The following CLEC16A variants were observed in gnomAD, a reference collection of about 807,000 sequenced individuals.
CLEC16A encodes the protein protein CLEC16A.
In CLEC16A, 51 loss-of-function variants were observed where a neutral mutation model predicts 109.5. The observed-to-expected ratio is 0.47, with a 90% CI of 0.37 to 0.59. The LOEUF is 0.59. Among genes scored for constraint, CLEC16A ranks in the 20% least tolerant of loss-of-function variants. CLEC16A has a pLI of 0.00. For synonymous variants in CLEC16A, 673 were observed against 564.2 expected, an observed-to-expected ratio of 1.19 and a Z score of -2.73; for missense variants, 1,339 against 1,394.0, an observed-to-expected ratio of 0.96 and a Z score of 0.63.
rs996318420 is a variant in CLEC16A, at chr16:11,174,755, T to C, written c.2807-3580T>C. 3.3e-5 allele frequency among the ~76,000 whole-genome samples: 5 copies of C among 152,250 alleles called. No individual in the cohort carries two copies. The highest frequency in any genetic ancestry group is 1.2e-4 in the African/African-American group (5 of 41,472). On this transcript the variant is annotated intron_variant, in intron 23 of 23. Coordinates refer to ENST00000409790, the MANE Select transcript of CLEC16A (RefSeq NM_015226.3). This position sits in a 1 kb window ranked among gnomAD's most constrained non-coding sequence, Gnocchi z 4.7. ...TTCCTTTCTTCCCCTAGTCTTGATC[T>C]AAGATAAGTGGCAAATTCAGTCCTG...
intron 19 of CLEC16A, 22 bp from the exon 20 acceptor site, chr16:11,120,593 C>T: frequency 6.3e-7 from 1 of 1,597,552 alleles, no homozygotes; most frequent in Non-Finnish European, 8.5e-7. Flanking sequence ...GCCTCATTCT[C>T]TTCTCACCTT....
chr16:11,043,930 C>T (rs1424334654), intron 15 of CLEC16A, 98 bp from the exon 16 acceptor site: 3 of 820,118 alleles, frequency 3.7e-6, no homozygotes, highest in Non-Finnish European at 5.7e-6. Flanking sequence ...TAGTCCAGAT[C>T]TGTTTTATAC....
Position 10,988,847 on chromosome 16 carries a change from C to A in CLEC16A, c.1071+5856C>A, listed in dbSNP as rs556353817. Among the ~76,000 whole-genome samples, 37 of 152,242 alleles carry A rather than the reference C, an allele frequency of 2.4e-4. No homozygotes were observed. The South Asian group carries it at 7.5e-3, about 31-fold the overall frequency. On this transcript the variant is annotated intron_variant, in intron 10 of 23. Coordinates refer to ENST00000409790, the MANE Select transcript of CLEC16A (RefSeq NM_015226.3). ...GCCGTGTAAAGTGCTTACTCCAAAG[C>A]CTTTTTATGTACACAGCAAGTGCAT... is the stretch of plus-strand genomic sequence containing the variant.
intron 19 of CLEC16A, among the ~76,000 whole-genome samples, chr16:11,109,936 A>C (rs985009927): frequency 1.3e-5 from 2 of 152,218 alleles, no homozygotes; most frequent in Non-Finnish European, 2.9e-5. Flanking sequence ...ATCCCCCTGT[A>C]AGGAAAAAGA....
chr16:10,986,507 A>G (rs887250496), intron 10 of CLEC16A, among the ~76,000 whole-genome samples: 3 of 152,158 alleles, frequency 2.0e-5, no homozygotes, highest in African/African-American at 7.2e-5. Context: ...CTGTGGAGTC[A>G]CCTGCATGAC....
At chr16:11,045,825 T>C (rs772757324) in intron 16 of CLEC16A, among the ~76,000 whole-genome samples, 12 of 152,230 alleles carry the variant, frequency 7.9e-5, no homozygotes. Flanking sequence ...AGCTGCTGTT[T>C]CTTTGCAGGA....
At chr16:11,114,233 A>G (rs11647011) in intron 19 of CLEC16A, among the ~76,000 whole-genome samples, 14,033 of 150,930 alleles carry the variant, frequency 0.093, 687 homozygotes, top group East Asian at 0.12. Context: ...TGAATGGCCT[A>G]TGCAAATCCT....
chr16:10,945,491 G>A (rs1285648092), intron 1 of CLEC16A, among the ~76,000 whole-genome samples: 5 of 152,166 alleles, frequency 3.3e-5, no homozygotes, highest in Non-Finnish European at 7.4e-5. Flanking sequence ...AGGACAGGTG[G>A]CAGATAGGGT....
At chr16:10,959,461 G>A (rs1374200501) in intron 2 of CLEC16A, among the ~76,000 whole-genome samples, 5 of 152,068 alleles carry the variant, frequency 3.3e-5, no homozygotes, top group South Asian at 4.2e-4. Flanking sequence ...GCGGGATCCC[G>A]GCTCACCGCA....
chr16:11,120,585 C>G (rs201505085), intron 19 of CLEC16A, 30 bp from the exon 20 acceptor site: 1 of 1,589,464 alleles, frequency 6.3e-7, no homozygotes, highest in Non-Finnish European at 8.6e-7. Flanking sequence ...CAGACTGTGC[C>G]TCATTCTCTT....
intron 10 of CLEC16A, among the ~76,000 whole-genome samples, chr16:10,985,552 T>TG (rs964748280): frequency 6.6e-6 from 1 of 151,774 alleles, no homozygotes; most frequent in Non-Finnish European, 1.5e-5. Context: ...CGGGACTTTT[T>TG]TTTTTTTTTA....
chr16:11,157,238 C>G (rs1361370802), intron 22 of CLEC16A: 1 of 1,210,046 alleles, frequency 8.3e-7, no homozygotes. Context: ...GAGGTGCAGC[C>G]TAGTCAGTGA....
rs199755835 is a variant in CLEC16A, at chr16:11,126,108, T to G, written c.2603T>G (p.Val868Gly). 8 of 1,613,664 alleles carry G rather than the reference T, an allele frequency of 5.0e-6. No individual in the cohort carries two copies. Among genetic ancestry groups the G allele is most frequent in the Non-Finnish European group, 6.8e-6 (8 of 1,179,844 alleles). ...QGRRGSSDPT[V>G]QRSVFASVDK... ...CGCCGGGGCAGCAGCGACCCCACAG[T>G]GCAGCGCTCCGTGTTTGCATCGGTG... is the stretch of plus-strand genomic sequence containing the variant. Residue 868 changes from valine to glycine, a missense_variant, in exon 22 of 24, where the codon GTG (valine) becomes GGG (glycine). Around this residue, in one of 3 missense-constraint regions of CLEC16A, gnomAD observed 1,061 missense variants for 1,006.8 expected, o/e 1.05. Coordinates refer to ENST00000409790, the MANE Select transcript of CLEC16A (RefSeq NM_015226.3).
chr16:11,166,655 T>A, intron 23 of CLEC16A, 103 bp downstream of exon 23: 1 of 1,186,840 alleles, frequency 8.4e-7, no homozygotes, highest in Non-Finnish European at 1.1e-6. Flanking sequence ...GTCACAGCAC[T>A]TGAAGGATGA....
At chr16:11,136,274 A>C (rs1399592580) in intron 22 of CLEC16A, 4 of 152,198 alleles carry the variant, frequency 2.6e-5, no homozygotes, top group African/African-American at 4.8e-5. Flanking sequence ...TAAGAACTGA[A>C]CTGTACTCTT....
intron 10 of CLEC16A, among the ~76,000 whole-genome samples, chr16:11,001,799 A>C (rs1341591193): frequency 6.6e-6 from 1 of 151,836 alleles, no homozygotes; most frequent in Non-Finnish European, 1.5e-5. Flanking sequence ...GAGCCACCAC[A>C]CCCGGCCATC....
chr16:11,006,707 TTTGTTG>T (rs1238352940), intron 11 of CLEC16A, among the ~76,000 whole-genome samples: 1 of 152,040 alleles, frequency 6.6e-6, no homozygotes, highest in Admixed American at 6.6e-5. Flanking sequence ...TGTGTATTGT[TTTGTTG>T]TTGTTGTTGT....
At chr16:10,972,915 T>TTTTC (rs755474544) in intron 6 of CLEC16A, 23 bp from the exon 7 acceptor site, 1 of 1,571,304 alleles carries the variant, frequency 6.4e-7, no homozygotes, top group Non-Finnish European at 8.6e-7. Flanking sequence ...TTGACTTTTT[T>TTTTC]TTTCTTCTGT....
intron 18 of CLEC16A, among the ~76,000 whole-genome samples, chr16:11,053,305 C>T (rs1365035312): frequency 6.6e-6 from 1 of 152,096 alleles, no homozygotes; most frequent in Non-Finnish European, 1.5e-5. Context: ...ATGTGAATTT[C>T]CTCATTAAAT....
Sources: gnomAD v4.1 joint callset for allele counts (sites outside exome capture counted in the v4.1 genomes callset) on GRCh38, gnomAD v4.1.1 for gene constraint, gnomAD v4.1.1 regional missense constraint, Gnocchi (gnomAD v3.1) non-coding constraint, MANE v1.5 for transcripts, NCBI Gene and HGNC (gene_info 2026-07-23, HGNC 2026-07-21) for gene names.